The following UGT1A5 variants were observed in gnomAD, a reference collection of about 807,000 sequenced individuals.
UGT1A5 encodes UDP glucuronosyltransferase family 1 member A5.
In UGT1A5, 29 loss-of-function variants were observed where a neutral mutation model predicts 40.3. That is an observed-to-expected ratio of 0.72 (90% CI 0.54 to 0.98). The LOEUF is 0.98. Among genes scored for constraint, UGT1A5 ranks in the 50% least tolerant of loss-of-function variants. UGT1A5 has a pLI of 0.00. For missense variants in UGT1A5, 678 were observed against 677.9 expected, an observed-to-expected ratio of 1.00 and a Z score of 0.00; for synonymous variants, 257 against 262.5, an observed-to-expected ratio of 0.98 and a Z score of 0.20.
chr2:233,747,715 C>A, intron 1 of UGT1A5: 2 of 1,613,182 alleles, frequency 1.2e-6, no homozygotes, highest in South Asian at 2.2e-5. Flanking sequence ...CTATCAATTC[C>A]TGCTGTGTTT....
chr2:233,755,134 ATCT>A (rs1231510836), intron 1 of UGT1A5: 15 of 1,316,668 alleles, frequency 1.1e-5, no homozygotes, highest in Non-Finnish European at 1.5e-5. Flanking sequence ...ACCTGCTTGA[ATCT>A]TCTCACCGCT....
chr2:233,745,923 C>T (rs922725968), intron 1 of UGT1A5, among the ~76,000 whole-genome samples: 1 of 151,246 alleles, frequency 6.6e-6, no homozygotes, highest in Non-Finnish European at 1.5e-5. Flanking sequence ...GGCAGTGATT[C>T]AGAAGGGACA....
intron 1 of UGT1A5, among the ~76,000 whole-genome samples, chr2:233,751,671 A>T (rs1207862608): frequency 6.6e-6 from 1 of 152,074 alleles, no homozygotes; most frequent in Admixed American, 6.6e-5. Context: ...GTGAGTTCTA[A>T]TGAGAGCTGA....
chr2:233,769,382 A>G lies in UGT1A5; in HGVS notation c.1307+943A>G. 1 of 1,021,984 alleles carries G rather than the reference A, an allele frequency of 9.8e-7. No individual in the cohort carries two copies. The highest frequency in any genetic ancestry group is 1.6e-5 in the South Asian group (1 of 63,370). 63.3% of individuals were successfully genotyped at this position (1,021,984 alleles called of 1,614,324 possible). On this transcript the variant is annotated intron_variant, in intron 4 of 4. Transcript: ENST00000373414. This position sits in a 1 kb window ranked among gnomAD's most constrained non-coding sequence, Gnocchi z 4.4. ...GGCCAGTGGTAGATTTCATCCGACAATAGATACTGTGTGCATATGTGCGTG... is the reference window on the plus strand; with the variant it reads ...GGCCAGTGGTAGATTTCATCCGACAGTAGATACTGTGTGCATATGTGCGTG...
At chr2:233,717,127 G>C (rs182084738) in intron 1 of UGT1A5, among the ~76,000 whole-genome samples, 1 of 152,148 alleles carries the variant, frequency 6.6e-6, no homozygotes, top group South Asian at 2.1e-4. Context: ...CATGGAAATA[G>C]AACACCACTA....
At chr2:233,723,536 T>TTA (rs1553611580) in intron 1 of UGT1A5, among the ~76,000 whole-genome samples, 38,386 of 120,724 alleles carry the variant, frequency 0.32, 7,068 homozygotes, top group South Asian at 0.41. Flanking sequence ...TTTTTTTTTT[T>TTA]AATTTATTTT....
At chr2:233,733,869 C>T (rs975516121) in intron 1 of UGT1A5, among the ~76,000 whole-genome samples, 2 of 151,714 alleles carry the variant, frequency 1.3e-5, no homozygotes, top group Non-Finnish European at 2.9e-5. Context: ...GGAATAGTTT[C>T]AGAAGGAATG....
At position 233,767,169 on chromosome 2, in the gene UGT1A5, A is replaced by G; in HGVS notation, c.999+4A>G. On this transcript the variant is annotated splice_donor_region_variant and intron_variant, in intron 2 of 4. Coordinates refer to ENST00000373414, the MANE Select transcript of UGT1A5 (RefSeq NM_019078.2). The stretch of plus-strand genomic sequence containing the variant: ...TTTGGGCAAAATCCCTCAGACAGTA[A>G]GAAGATTCTATACCATGGCCTCATA... 1.2e-6 allele frequency: 2 copies of G among 1,614,122 alleles called. No homozygotes were observed. The highest frequency in any genetic ancestry group is 1.7e-6 in the Non-Finnish European group (2 of 1,180,012).
intron 1 of UGT1A5, among the ~76,000 whole-genome samples, chr2:233,725,008 C>T (rs1479605569): frequency 5.4e-5 from 8 of 148,164 alleles, no homozygotes; most frequent in African/African-American, 2.0e-4. Context: ...ACCGGCCCGG[C>T]CAAACAGCAA....
intron 2 of UGT1A5, 91 bp from the exon 3 acceptor site, chr2:233,767,758 G>A: frequency 6.2e-7 from 1 of 1,604,004 alleles, no homozygotes. Context: ...TGTTCCTTCA[G>A]AGGACCCCTG....
intron 1 of UGT1A5, chr2:233,741,767 G>A (rs1691768451): frequency 6.6e-6 from 1 of 151,872 alleles, no homozygotes; most frequent in South Asian, 2.1e-4. Flanking sequence ...ATGTGTTCAG[G>A]CCATGATTTT....
At chr2:233,743,788 C>T (rs1478609008) in intron 1 of UGT1A5, 1 of 1,367,378 alleles carries the variant, frequency 7.3e-7, no homozygotes, top group Admixed American at 1.9e-5. Flanking sequence ...TGAATCTCCT[C>T]TCCGCTTCCT....
intron 1 of UGT1A5, chr2:233,753,301 C>T (rs1695176725): frequency 6.6e-6 from 1 of 152,212 alleles, no homozygotes; most frequent in East Asian, 1.9e-4. Flanking sequence ...TGTGAGACCC[C>T]GTGTGCCCCT....
At chr2:233,755,243 T>G (rs1026667908) in intron 1 of UGT1A5, 19 of 851,916 alleles carry the variant, frequency 2.2e-5, no homozygotes, top group African/African-American at 5.1e-5. Flanking sequence ...ACCGGGGTAC[T>G]CCCAGCACCT....
chr2:233,735,336 G>GC (rs1210118835), intron 1 of UGT1A5, among the ~76,000 whole-genome samples: 3 of 151,898 alleles, frequency 2.0e-5, no homozygotes, highest in Non-Finnish European at 2.9e-5. Flanking sequence ...TGCAACCCCT[G>GC]CTTTTTTTTT....
chr2:233,717,696 G>A (rs1442424545), intron 1 of UGT1A5: 1 of 445,086 alleles, frequency 2.2e-6, no homozygotes, highest in Non-Finnish European at 4.6e-6. Context: ...GTGACTTTCT[G>A]GAGCAGGACG....
Position 233,748,244 on chromosome 2 carries a change from G to A in UGT1A5, c.868-18790G>A, listed in dbSNP as rs181996074. Among the ~76,000 whole-genome samples the A allele has an allele frequency of 5.8e-4, 88 of 151,858 alleles. 1 individual carries two copies. Among genetic ancestry groups the A allele is most frequent in the African/African-American group, 1.9e-3 (79 of 41,160 alleles). ...AAACTGTTAAGGGGTCTCTAGTAGCGTATTTCAGGTTTTAAATGGTCAATG... is the reference window on the plus strand; with the variant it reads ...AAACTGTTAAGGGGTCTCTAGTAGCATATTTCAGGTTTTAAATGGTCAATG... On this transcript the variant is annotated intron_variant, in intron 1 of 4. Transcript: ENST00000373414.
chr2:233,743,217 C>A, intron 1 of UGT1A5: 2 of 409,784 alleles, frequency 4.9e-6, no homozygotes, highest in Non-Finnish European at 9.6e-6. Context: ...AGTAACTGCT[C>A]TTTGCTATTT....
chr2:233,770,905 C>G (rs1053326631), intron 4 of UGT1A5: 4 of 152,124 alleles, frequency 2.6e-5, no homozygotes, highest in Non-Finnish European at 5.9e-5. Context: ...GCAGGCTGTA[C>G]AGGAAGCTTA....
Sources: gnomAD v4.1 joint callset for allele counts (sites outside exome capture counted in the v4.1 genomes callset) on GRCh38, gnomAD v4.1.1 for gene constraint, Gnocchi (gnomAD v3.1) non-coding constraint, MANE v1.5 for transcripts, NCBI Gene and HGNC (gene_info 2026-07-23, HGNC 2026-07-21) for gene names.